The following PARVA variants were observed in gnomAD, a reference collection of about 807,000 sequenced individuals.
PARVA encodes alpha-parvin.
PARVA carries 25 observed loss-of-function variants against 52.6 expected under a neutral mutation model. That is an observed-to-expected ratio of 0.48 (90% CI 0.35 to 0.66). The LOEUF is 0.66. PARVA is among the 30% of genes least tolerant of loss of function. The pLI is 0.01. For missense variants in PARVA, 373 were observed against 450.9 expected (o/e 0.83, Z 1.56); for synonymous variants, 185 against 179.1 (o/e 1.03, Z -0.26).
chr11:12,510,164 C>T (rs1397652015), intron 7 of PARVA, among the ~76,000 whole-genome samples: 1 of 152,166 alleles, frequency 6.6e-6, no homozygotes, highest in Non-Finnish European at 1.5e-5. Flanking sequence ...TGATTACACC[C>T]CCTAAAACCC....
chr11:12,530,333 GAAAGGCAAAAGAGGAA>G lies in PARVA; in HGVS notation c.*2409_*2424del, dbSNP rs1219353576. The G allele has an allele frequency of 3.3e-5, 5 of 151,880 alleles. No homozygotes were observed. Among genetic ancestry groups the G allele is most frequent in the Non-Finnish European group, 7.4e-5 (5 of 68,014 alleles). The allele number at this position is 151,880 out of a possible 1,614,324, so 9.4% of individuals were successfully genotyped here. ...CTACTTAATATATGACCATGACTTT[GAAAGGCAAAAGAGGAA>G]TCAAGAATAAATAAAACAAACTTAA... On this transcript the variant is annotated 3_prime_UTR_variant, in exon 13 of 13. Transcript: ENST00000334956.
At chr11:12,390,637 G>C (rs1939645886) in intron 1 of PARVA, among the ~76,000 whole-genome samples, 1 of 152,124 alleles carries the variant, frequency 6.6e-6, no homozygotes, top group African/African-American at 2.4e-5. Flanking sequence ...TCGGTGGGGA[G>C]GCTCACAAAG....
intron 4 of PARVA, among the ~76,000 whole-genome samples, chr11:12,483,687 A>T (rs971956346): frequency 1.3e-5 from 2 of 152,170 alleles, no homozygotes; most frequent in African/African-American, 4.8e-5. Flanking sequence ...TGGGCCAAGG[A>T]GCTGGGGGAA....
chr11:12,517,313 A>ACC (rs1405572031), intron 10 of PARVA, among the ~76,000 whole-genome samples: 1 of 66,216 alleles, frequency 1.5e-5, no homozygotes, highest in African/African-American at 5.5e-5. Context: ...ACCACCCCCC[A>ACC]CCCCCCACCC....
intron 1 of PARVA, among the ~76,000 whole-genome samples, chr11:12,397,018 G>A (rs1455989547): frequency 6.9e-6 from 1 of 145,112 alleles, no homozygotes; most frequent in Non-Finnish European, 1.5e-5. Flanking sequence ...CAATATTATT[G>A]TTAAGAGTGT....
intron 1 of PARVA, among the ~76,000 whole-genome samples, chr11:12,405,109 T>G (rs1408201853): frequency 6.6e-6 from 1 of 152,162 alleles, no homozygotes; most frequent in Non-Finnish European, 1.5e-5. Flanking sequence ...AACAGGTTTT[T>G]CATTTGAGAG....
intron 1 of PARVA, among the ~76,000 whole-genome samples, chr11:12,433,703 G>A (rs1054247499): frequency 2.0e-5 from 3 of 152,172 alleles, no homozygotes; most frequent in Non-Finnish European, 2.9e-5. Context: ...TGAAGAGGGA[G>A]GAAAAGACTT....
intron 1 of PARVA, among the ~76,000 whole-genome samples, chr11:12,386,445 T>G (rs924439932): frequency 3.3e-5 from 5 of 152,242 alleles, no homozygotes; most frequent in African/African-American, 1.2e-4. Flanking sequence ...GCATGAAGCC[T>G]TCCACAGTGC....
chr11:12,525,176 ACG>A (rs1311523872), intron 12 of PARVA, among the ~76,000 whole-genome samples: 1 of 152,196 alleles, frequency 6.6e-6, no homozygotes, highest in Non-Finnish European at 1.5e-5. Context: ...GGGTCAGGTT[ACG>A]CCTTACAAAG....
rs1941718240 is a variant in PARVA, at chr11:12,527,431, C to T, written c.1043-418C>T. The stretch of plus-strand genomic sequence containing the variant: ...TCTTAATCGGAACCTGTCTGTCCCC[C>T]ATGACGCCTATTTCCTGAGTACTCC... On this transcript the variant is annotated intron_variant, in intron 12 of 12. Transcript: ENST00000334956. 2.0e-5 allele frequency among the ~76,000 whole-genome samples: 3 copies of T among 152,204 alleles called. No individual in the cohort carries two copies. In the South Asian group the frequency reaches 6.2e-4, roughly 31 times the overall value.
intron 12 of PARVA, among the ~76,000 whole-genome samples, chr11:12,521,757 G>C (rs1589991442): frequency 6.6e-6 from 1 of 152,196 alleles, no homozygotes; most frequent in East Asian, 1.9e-4. Context: ...TGTAGCATAA[G>C]AAAGGCTCAC....
chr11:12,446,698 G>A (rs1940552347), intron 1 of PARVA, among the ~76,000 whole-genome samples: 1 of 152,176 alleles, frequency 6.6e-6, no homozygotes, highest in African/African-American at 2.4e-5. Context: ...TAATATAGCA[G>A]TAATGATTGT....
In PARVA at chr11:12,509,515, G is replaced by A. The variant is rs540423949; in HGVS notation, c.716+873G>A. On this transcript the variant is annotated intron_variant, in intron 7 of 12. Coordinates refer to ENST00000334956, the MANE Select transcript of PARVA (RefSeq NM_018222.5). ...ATCTTTTCTCCAGCACAGCTGACCC[G>A]TACCTGCCAAGCCCATCCAGTCTCT... Among the ~76,000 whole-genome samples the A allele has an allele frequency of 7.5e-4, 114 of 152,232 alleles. 2 individuals are homozygous for A. The highest frequency in any genetic ancestry group is 2.3e-3 in the Admixed American group (35 of 15,302).
chr11:12,377,389 G>C, upstream of PARVA: 5 of 1,357,364 alleles, frequency 3.7e-6, no homozygotes, highest in South Asian at 8.8e-5. Context: ...CAGTTTTGGG[G>C]CATCCTCCCT....
At chr11:12,474,120 G>A in intron 3 of PARVA, 137 bp downstream of exon 3, 1 of 700,272 alleles carries the variant, frequency 1.4e-6, no homozygotes, top group Non-Finnish European at 2.5e-6. Context: ...CAGGCAGTGA[G>A]TTGTCTAGCA....
intron 1 of PARVA, among the ~76,000 whole-genome samples, chr11:12,390,215 C>T (rs115107739): frequency 6.6e-6 from 1 of 152,284 alleles, no homozygotes; most frequent in African/African-American, 2.4e-5. Flanking sequence ...ATTGACTTTC[C>T]AATTCAAAAC....
intron 1 of PARVA, among the ~76,000 whole-genome samples, chr11:12,463,992 T>TTC (rs398015361): frequency 1.3e-5 from 2 of 151,384 alleles, no homozygotes; most frequent in African/African-American, 4.8e-5. Flanking sequence ...TTTTTTTTTT[T>TTC]CCTGAGTACT....
chr11:12,510,300 A>G (rs1941489070), intron 7 of PARVA, among the ~76,000 whole-genome samples: 2 of 152,348 alleles, frequency 1.3e-5, no homozygotes, highest in Middle Eastern at 6.8e-3. Context: ...GTGCTGATGG[A>G]TAAACCAATA....
At chr11:12,420,688 T>C (rs1940135853) in intron 1 of PARVA, among the ~76,000 whole-genome samples, 1 of 152,230 alleles carries the variant, frequency 6.6e-6, no homozygotes, top group African/African-American at 2.4e-5. Flanking sequence ...ATTGATTGCT[T>C]ACTACATGCC....
Sources: allele counts gnomAD v4.1 joint callset (sites outside exome capture counted in the v4.1 genomes callset), GRCh38; gene constraint gnomAD v4.1.1; transcripts MANE v1.5; gene names NCBI Gene and HGNC (gene_info 2026-07-23, HGNC 2026-07-21).